Variants in HORMAD1 observed in about 807,000 individuals in gnomAD.
HORMAD1 encodes HORMA domain containing 1.
HORMAD1 carries 33 observed loss-of-function variants against 58.2 expected under a neutral mutation model. The ratio of observed to expected loss-of-function variants is 0.57; its 90% CI spans 0.43 to 0.76. HORMAD1 has a LOEUF of 0.76. HORMAD1 is among the 30% of genes least tolerant of loss of function. The probability of loss-of-function intolerance (pLI) is 0.00; values close to 1 mark genes in which losing one functional copy is unlikely to be tolerated. For missense variants in HORMAD1, 363 were observed against 462.0 expected, an observed-to-expected ratio of 0.79 and a Z score of 1.96; for synonymous variants, 137 against 144.6, an observed-to-expected ratio of 0.95 and a Z score of 0.38.
chr1:150,708,783 T>C, intron 8 of HORMAD1, 111 bp downstream of exon 8: 1 of 625,348 alleles, frequency 1.6e-6, no homozygotes, highest in East Asian at 2.9e-5. Context: ...ATCTTGATGG[T>C]TAATTGGGGA....
intron 3 of HORMAD1, 99 bp downstream of exon 3, chr1:150,717,039 T>C (rs1187299834): frequency 3.2e-6 from 2 of 631,704 alleles, no homozygotes; most frequent in Non-Finnish European, 5.2e-6. Flanking sequence ...ATAAAGCTTC[T>C]ATTAAAATAA....
Position 150,702,214 on chromosome 1 carries a change from C to G in HORMAD1, c.1032+1096G>C, listed in dbSNP as rs758059618. Reference sequence around the variant, plus strand: ...TCATTAGAGAAATGCAAATCAAAACCACAATGAGATACCATCTCATGCCAG... The same window carrying G: ...TCATTAGAGAAATGCAAATCAAAACGACAATGAGATACCATCTCATGCCAG... On this transcript the variant is annotated intron_variant, in intron 13 of 14. Coordinates refer to ENST00000361824, the MANE Select transcript of HORMAD1 (RefSeq NM_032132.5). 6.3e-4 allele frequency among the ~76,000 whole-genome samples: 96 copies of G among 152,024 alleles called. 2 individuals carry two copies. The highest frequency in any genetic ancestry group is 7.2e-4 in the Non-Finnish European group (49 of 67,990).
At chr1:150,709,908 C>A (rs1001036680) in intron 7 of HORMAD1, among the ~76,000 whole-genome samples, 1 of 152,278 alleles carries the variant, frequency 6.6e-6, no homozygotes. Context: ...AGTCATAGTA[C>A]CTTCCCTTGA....
At chr1:150,707,265 A>T (rs1651723587) in intron 9 of HORMAD1, among the ~76,000 whole-genome samples, 1 of 152,220 alleles carries the variant, frequency 6.6e-6, no homozygotes, top group South Asian at 2.1e-4. Flanking sequence ...TACATATAAA[A>T]TTTCTTAAAA....
At chr1:150,717,959 A>G (rs999457478) in intron 2 of HORMAD1, among the ~76,000 whole-genome samples, 1 of 152,228 alleles carries the variant, frequency 6.6e-6, no homozygotes, top group Non-Finnish European at 1.5e-5. Flanking sequence ...AAAAAAGTAT[A>G]TAATCATTAT....
Position 150,719,619 on chromosome 1 carries a change from A to T in HORMAD1, c.-33-81T>A. 4.8e-6 allele frequency: 3 copies of T among 624,774 alleles called. No homozygotes were observed. The South Asian group carries it at 7.6e-5, about 16-fold the overall frequency. The allele number at this position is 624,774 out of a possible 1,614,324, so 38.7% of individuals were successfully genotyped here. A position where few individuals can be genotyped will look rare whatever the true frequency, so the allele number is the denominator to read the frequency against. ...CAGTTTACCACATATAAAATTCAAA[A>T]CAATTTTATGTGAATAAATTTGAAT... is the stretch of plus-strand genomic sequence containing the variant. On this transcript the variant is annotated intron_variant, in intron 1 of 14. Transcript: ENST00000361824.
At chr1:150,714,237 C>A in intron 4 of HORMAD1, 116 bp from the exon 5 acceptor site, 1 of 611,770 alleles carries the variant, frequency 1.6e-6, no homozygotes, top group South Asian at 2.4e-5. Context: ...CTTATTAAAG[C>A]TCCCTTCTTA....
intron 5 of HORMAD1, 64 bp from the exon 6 acceptor site, chr1:150,711,917 CA>C: frequency 9.3e-7 from 1 of 1,080,918 alleles, no homozygotes; most frequent in Non-Finnish European, 1.4e-6. Flanking sequence ...CATTACGAAT[CA>C]TAAGAATTCT....
At position 150,704,355 on chromosome 1, in the gene HORMAD1, T is replaced by C; in HGVS notation, c.805-12A>G. ...ATGTCCAAATCATCCTACATAATTA[T>C]GTGAAGAAAAAAATTGACACATTTC... On this transcript the variant is annotated splice_polypyrimidine_tract_variant and intron_variant, in intron 10 of 14. Transcript: ENST00000361824. 4 of 1,517,792 alleles carry C rather than the reference T, an allele frequency of 2.6e-6. No homozygotes were observed. The highest frequency in any genetic ancestry group is 3.6e-6 in the Non-Finnish European group (4 of 1,121,942). The allele number at this position is 1,517,792 out of a possible 1,614,324, so 94.0% of individuals were successfully genotyped here.
intron 7 of HORMAD1, among the ~76,000 whole-genome samples, chr1:150,709,231 G>A (rs1571071991): frequency 6.6e-6 from 1 of 152,274 alleles, no homozygotes; most frequent in Middle Eastern, 3.4e-3. Flanking sequence ...TGTCTATGTA[G>A]AAAGGGAAGA....
rs587644576 is a variant in HORMAD1 at position 150,715,894 on chromosome 1, T to C, written c.179-1216A>G. ...TAAGTGCTTCTAAAGGTATTGAATA[T>C]ATATATATATGTATATATTTTAAAA... On this transcript the variant is annotated intron_variant, in intron 3 of 14. Transcript: ENST00000361824. 1.2e-4 allele frequency among the ~76,000 whole-genome samples: 18 copies of C among 151,684 alleles called. 1 individual carries two copies. The South Asian group carries it at 3.7e-3, about 31-fold the overall frequency.
In HORMAD1 at chr1:150,700,097, T is replaced by C; in HGVS notation, c.1104+15A>G. 2 of 1,259,876 alleles carry C rather than the reference T, an allele frequency of 1.6e-6. No individual in the cohort carries two copies. The highest frequency in any genetic ancestry group is 2.3e-6 in the Non-Finnish European group (2 of 858,604). The allele number at this position is 1,259,876 out of a possible 1,614,324, so 78.0% of individuals were successfully genotyped here. On this transcript the variant is annotated intron_variant, in intron 14 of 14. Coordinates refer to ENST00000361824, the MANE Select transcript of HORMAD1 (RefSeq NM_032132.5). ...TTCCCATTGTATTCAAACTATACAT[T>C]ATCATAAGACTTACTATTCTCCCAG...
chr1:150,705,694 C>G (rs1651670148), intron 10 of HORMAD1, among the ~76,000 whole-genome samples: 1 of 152,146 alleles, frequency 6.6e-6, no homozygotes, highest in South Asian at 2.1e-4. Flanking sequence ...GCTACAAACA[C>G]CTCAGCCATA....
chr1:150,709,806 C>T (rs1274376288), intron 7 of HORMAD1, among the ~76,000 whole-genome samples: 9 of 152,232 alleles, frequency 5.9e-5, no homozygotes, highest in East Asian at 5.8e-4. Context: ...TGGTGGGAGG[C>T]GAGACATGTT....
chr1:150,707,769 G>A (rs1402674472), intron 9 of HORMAD1, among the ~76,000 whole-genome samples: 2 of 152,050 alleles, frequency 1.3e-5, no homozygotes, highest in African/African-American at 4.8e-5. Flanking sequence ...AACCCCATCT[G>A]TACTAAAAAT....
rs1159448605 is a variant in HORMAD1 at position 150,720,889 on chromosome 1, A to T, written c.-119T>A. ...GCCCGACGCGCATGCGCTTTCCTTCAACGGTCACCCGCTGGGGCGCGACAG... is the reference window on the plus strand; with the variant it reads ...GCCCGACGCGCATGCGCTTTCCTTCTACGGTCACCCGCTGGGGCGCGACAG... On this transcript the variant is annotated 5_prime_UTR_variant, in exon 1 of 15. Transcript: ENST00000361824. 6.6e-6 allele frequency: 1 copy of T among 152,204 alleles called. No homozygotes were observed. The highest frequency in any genetic ancestry group is 1.5e-5 in the Non-Finnish European group (1 of 68,036). The allele number at this position is 152,204 out of a possible 1,614,324, so 9.4% of individuals were successfully genotyped here. A position where few individuals can be genotyped will look rare whatever the true frequency, so the allele number is the denominator to read the frequency against.
In HORMAD1 at chr1:150,719,476, G is replaced by A; in HGVS notation, c.30C>T (p.Pro10=). Residue 10 remains proline (P), a synonymous_variant, in exon 2 of 15, where the codon CCC becomes CCT. Transcript: ENST00000361824. ...ACCAAAATACAAGAAATCATACCAT[G>A]GGAGTCCTCTGCAACTGGGCAGTGG... MATAQLQRT[P]MSALVFPNKI... 1 of 1,570,156 alleles carries A rather than the reference G, an allele frequency of 6.4e-7. No homozygotes were observed. The highest frequency in any genetic ancestry group is 8.7e-7 in the Non-Finnish European group (1 of 1,151,452).
rs1191127035 is a variant in HORMAD1, at chr1:150,704,191, G to A, written c.875C>T (p.Pro292Leu). 2 of 1,555,288 alleles carry A rather than the reference G, an allele frequency of 1.3e-6. No homozygotes were observed. Among genetic ancestry groups the A allele is most frequent in the African/African-American group, 2.8e-5 (2 of 71,508 alleles). ...TTCATCTTCCTCACAAACTAAACTT[G>A]GTTCTGTAAAAAAAAAAAAAAAAAG... ...KNPASSELEE[P>L]SLVCEEDEIM... Residue 292 changes from proline (P) to leucine (L), a missense_variant, in exon 12 of 15, where the codon CCA becomes CTA. This residue lies in a region of HORMAD1 where 226 missense variants were observed against 257.8 expected (regional missense o/e 0.88). Transcript: ENST00000361824.
intron 10 of HORMAD1, among the ~76,000 whole-genome samples, chr1:150,705,450 G>GGGA (rs1242427802): frequency 1.3e-5 from 2 of 152,006 alleles, no homozygotes; most frequent in Non-Finnish European, 2.9e-5. Context: ...ACTTGAACCT[G>GGGA]GGAGGAGGAG....
Sources: gnomAD v4.1 joint callset for allele counts (sites outside exome capture counted in the v4.1 genomes callset) on GRCh38, gnomAD v4.1.1 for gene constraint, gnomAD v4.1.1 regional missense constraint, MANE v1.5 for transcripts, NCBI Gene and HGNC (gene_info 2026-07-23, HGNC 2026-07-21) for gene names.